Variants in PSMD11 observed in about 807,000 individuals in gnomAD.
PSMD11 encodes the protein 26S proteasome non-ATPase regulatory subunit 11.
Under a neutral mutation model 62.3 loss-of-function variants are expected in PSMD11, and 5 were observed. The ratio of observed to expected loss-of-function variants is 0.08; its 90% confidence interval spans 0.04 to 0.17. The LOEUF is 0.17. Ranked by LOEUF, PSMD11 falls within the 10% of genes least tolerant of loss-of-function variation. PSMD11 has a pLI of 1.00. For synonymous variants in PSMD11, 191 were observed against 191.8 expected (o/e 1.00, Z 0.03); for missense variants, 310 against 512.9 (o/e 0.60, Z 3.82).
chr17:32,477,246 A>G (rs1908354735), intron 8 of PSMD11: 1 of 337,228 alleles, frequency 3.0e-6, no homozygotes, highest in East Asian at 4.6e-5. Flanking sequence ...TTAGCTTGTC[A>G]TCTCTAGAGA....
At chr17:32,479,459 C>G in intron 10 of PSMD11, 83 bp downstream of exon 10, 1 of 1,551,436 alleles carries the variant, frequency 6.4e-7, no homozygotes. Context: ...AGAATGGGAA[C>G]TCACTTCTAG....
At position 32,464,548 on chromosome 17, in the gene PSMD11, A is replaced by T; in HGVS notation, c.418A>T (p.Thr140Ser). The change falls in exon 5 of 14, where the codon ACC becomes TCC. Residue 140 changes from threonine to serine, a missense_variant. Thr to Ser is a moderately conservative substitution (Grantham distance 58, BLOSUM62 1). This residue lies in a region of PSMD11 where 47 missense variants were observed against 59.0 expected (regional missense o/e 0.80). Coordinates refer to ENST00000261712, the MANE Select transcript of PSMD11 (RefSeq NM_002815.4). Reference sequence around the variant, plus strand: ...AAGACTGGTGTCTTTGTACTTTGATACCAAGAGGTACCAGGAAGCATTGCA... The same window carrying T: ...AAGACTGGTGTCTTTGTACTTTGATTCCAAGAGGTACCAGGAAGCATTGCA... ...EARLVSLYFDTKRYQEALHLG... is the reference protein window; with the variant it reads ...EARLVSLYFDSKRYQEALHLG... 6.2e-7 allele frequency: 1 copy of T among 1,609,598 alleles called. No homozygotes were observed. Among genetic ancestry groups the T allele is most frequent in the South Asian group, 1.1e-5 (1 of 90,592 alleles).
At chr17:32,452,123 C>T (rs1229661596) in intron 2 of PSMD11, among the ~76,000 whole-genome samples, 1 of 152,190 alleles carries the variant, frequency 6.6e-6, no homozygotes, top group Non-Finnish European at 1.5e-5. Context: ...TGGAACAAAG[C>T]CACGCCCATT....
At chr17:32,477,301 GTAT>G in intron 8 of PSMD11, 1 of 404,252 alleles carries the variant, frequency 2.5e-6, no homozygotes, top group Non-Finnish European at 4.4e-6. Context: ...CTGTTTCCTA[GTAT>G]TATTAAGTCA....
At chr17:32,446,911 G>T in intron 1 of PSMD11, 34 bp from the exon 2 acceptor site, 3 of 1,517,100 alleles carry the variant, frequency 2.0e-6, no homozygotes, top group Non-Finnish European at 2.7e-6. Context: ...TTTTTGGTCA[G>T]AATTTTAAGA....
At chr17:32,468,690 T>G (rs975480815) in intron 5 of PSMD11, among the ~76,000 whole-genome samples, 1 of 152,220 alleles carries the variant, frequency 6.6e-6, no homozygotes, top group African/African-American at 2.4e-5. Context: ...CTTTCTGAAC[T>G]GGATAACTAG....
intron 5 of PSMD11, 78 bp downstream of exon 5, chr17:32,464,656 C>A: frequency 9.0e-7 from 1 of 1,110,406 alleles, no homozygotes. Flanking sequence ...TTACTAATTA[C>A]CTGTTAATAA....
chr17:32,461,244 A>G (rs1219360376), intron 3 of PSMD11, among the ~76,000 whole-genome samples: 1 of 151,704 alleles, frequency 6.6e-6, no homozygotes, highest in Non-Finnish European at 1.5e-5. Context: ...CACCCTGCTA[A>G]TTTTTTGTAT....
chr17:32,465,762 T>C (rs1907974795), intron 5 of PSMD11, among the ~76,000 whole-genome samples: 1 of 151,944 alleles, frequency 6.6e-6, no homozygotes. Context: ...TTGCCTGAGC[T>C]CAGGAGTTGG....
chr17:32,464,303 A>G lies in PSMD11; in HGVS notation c.390+183A>G, dbSNP rs117622299. On this transcript the variant is annotated intron_variant, in intron 4 of 13. Transcript: ENST00000261712. ...ATTGAAGTTTTGAGACAGATTTGCT[A>G]CTTGGCTCAGAGTAGTAAGCAACAA... Among the ~76,000 whole-genome samples, 603 of 152,334 alleles carry G rather than the reference A, an allele frequency of 4.0e-3. 1 individual carries two copies. The highest frequency in any genetic ancestry group is 6.6e-3 in the Non-Finnish European group (448 of 68,024).
In PSMD11 at chr17:32,456,453, A is replaced by G. The variant is rs1269922480; in HGVS notation, c.318+1834A>G. ...AATGGCGTGATCGTGGCTCACTGCA[A>G]CCCCCGCCTCCCGGGTTCAAGGGAT... On this transcript the variant is annotated intron_variant, in intron 3 of 13. Transcript: ENST00000261712. Among the ~76,000 whole-genome samples, 8 of 151,686 alleles carry G rather than the reference A, an allele frequency of 5.3e-5. No individual in the cohort carries two copies. The East Asian group carries it at 1.6e-3, about 30-fold the overall frequency.
At chr17:32,447,281 G>A (rs894524554) in intron 2 of PSMD11, 43 of 410,806 alleles carry the variant, frequency 1.0e-4, no homozygotes, top group Non-Finnish European at 1.5e-4. Flanking sequence ...AGTGATTTCT[G>A]ATTTGTTTCT....
chr17:32,464,092 A>G lies in PSMD11; in HGVS notation c.362A>G (p.Lys121Arg). 6.2e-7 allele frequency: 1 copy of G among 1,614,122 alleles called. No individual in the cohort carries two copies. The highest frequency in any genetic ancestry group is 8.5e-7 in the Non-Finnish European group (1 of 1,179,980). ...LECIEWAKSE[K>R]RTFLRQALEA... Reference sequence around the variant, plus strand: ...TGCATCGAATGGGCCAAGTCAGAGAAAAGAACTTTCTTACGCCAAGCTTTG... The same window carrying G: ...TGCATCGAATGGGCCAAGTCAGAGAGAAGAACTTTCTTACGCCAAGCTTTG... The change falls in exon 4 of 14, where the codon AAA becomes AGA. Residue 121 changes from lysine (K) to arginine (R), a missense_variant. Coordinates refer to ENST00000261712, the MANE Select transcript of PSMD11 (RefSeq NM_002815.4).
chr17:32,447,589 A>T (rs570433533), intron 2 of PSMD11, among the ~76,000 whole-genome samples: 5 of 152,200 alleles, frequency 3.3e-5, no homozygotes, highest in Non-Finnish European at 7.3e-5. Flanking sequence ...ATTAGATTTG[A>T]CATAATATTC....
Position 32,469,012 on chromosome 17 carries a change from G to A in PSMD11, c.462G>A (p.Leu154=), listed in dbSNP as rs1908079474. 1 of 1,613,618 alleles carries A rather than the reference G, an allele frequency of 6.2e-7. No homozygotes were observed. The highest frequency in any genetic ancestry group is 1.3e-5 in the African/African-American group (1 of 74,832). Residue 154 remains leucine, a synonymous_variant, in exon 6 of 14, where the codon CTG becomes CTA. Coordinates refer to ENST00000261712, the MANE Select transcript of PSMD11 (RefSeq NM_002815.4). ...QEALHLGSQL[L]RELKKMDDKA... ...TTCCTTTTTCAGGTTCTCAGCTGCT[G>A]CGGGAGTTGAAAAAGATGGACGACA...
chr17:32,460,797 C>A (rs976836435), intron 3 of PSMD11, among the ~76,000 whole-genome samples: 2 of 151,036 alleles, frequency 1.3e-5, no homozygotes, highest in African/African-American at 4.9e-5. Flanking sequence ...GAACCATCTT[C>A]AGCTTGCTAT....
In PSMD11 at chr17:32,483,192, C is replaced by T. The variant is rs1282627874; in HGVS notation, c.*2440C>T. On this transcript the variant is annotated 3_prime_UTR_variant, in exon 14 of 14. Coordinates refer to ENST00000261712, the MANE Select transcript of PSMD11 (RefSeq NM_002815.4). ...CTGTGATACACTGCAAGTGTAAACA[C>T]AAACCAGACTTCGAAGGCTTAGTAT... The T allele has an allele frequency of 6.6e-6, 1 of 152,114 alleles. No individual in the cohort carries two copies. Among genetic ancestry groups the T allele is most frequent in the Non-Finnish European group, 1.5e-5 (1 of 68,010 alleles). The allele number at this position is 152,114 out of a possible 1,614,324, so 9.4% of individuals were successfully genotyped here. A position where few individuals can be genotyped will look rare whatever the true frequency, so the allele number is the denominator to read the frequency against.
chr17:32,465,263 G>A (rs1414797399), intron 5 of PSMD11, among the ~76,000 whole-genome samples: 7 of 152,084 alleles, frequency 4.6e-5, no homozygotes, highest in Non-Finnish European at 7.3e-5. Flanking sequence ...TGGGACTGCA[G>A]GCATGTGCCT....
At chr17:32,470,736 G>C (rs188564465) in intron 6 of PSMD11, among the ~76,000 whole-genome samples, 1 of 152,204 alleles carries the variant, frequency 6.6e-6, no homozygotes, top group East Asian at 1.9e-4. Context: ...CATATTTTTG[G>C]GTCTGGCTTA....
Sources: gnomAD v4.1 joint callset for allele counts (sites outside exome capture counted in the v4.1 genomes callset) on GRCh38, gnomAD v4.1.1 for gene constraint, gnomAD v4.1.1 regional missense constraint, MANE v1.5 for transcripts, NCBI Gene and HGNC (gene_info 2026-07-23, HGNC 2026-07-21) for gene names.